NPC1L1: variants seen among roughly 807,000 people sequenced by gnomAD.
The protein encoded by NPC1L1 is NPC1 like intracellular cholesterol transporter 1, also known as NPC1-like intracellular cholesterol transporter 1.
A neutral mutation model predicts 117.0 loss-of-function variants in NPC1L1; 98 were observed. The observed-to-expected ratio is 0.84, with a 90% CI of 0.71 to 0.99. The LOEUF is 0.99. Among genes scored for constraint, NPC1L1 ranks in the 50% least tolerant of loss-of-function variants. The pLI is 0.00. For synonymous variants in NPC1L1, 729 were observed against 727.6 expected, an observed-to-expected ratio of 1.00 and a Z score of -0.03; for missense variants, 1,540 against 1,710.0, an observed-to-expected ratio of 0.90 and a Z score of 1.75.
At chr7:44,516,227 A>G in intron 16 of NPC1L1, 30 bp from the exon 17 acceptor site, 2 of 1,565,502 alleles carry the variant, frequency 1.3e-6, no homozygotes, top group Non-Finnish European at 1.7e-6. Flanking sequence ...ATAAGCCAAG[A>G]AAGGCAGAGG....
chr7:44,525,939 G>C (rs1801502216), intron 10 of NPC1L1, among the ~76,000 whole-genome samples: 1 of 150,698 alleles, frequency 6.6e-6, no homozygotes, highest in Non-Finnish European at 1.5e-5. Context: ...GCTGAGGCAG[G>C]TGGATCACCT....
In NPC1L1 at chr7:44,516,723, A is replaced by G. The variant is rs1242166013; in HGVS notation, c.3499T>C (p.Ser1167Pro). The G allele has an allele frequency of 6.2e-7, 1 of 1,611,528 alleles. No homozygotes were observed. Among genetic ancestry groups the G allele is most frequent in the Admixed American group, 1.7e-5 (1 of 59,576 alleles). ...GTTACCGAGACCAGGTTGATGAGGG[A>G]CACAGCATTGTAACTGATGCCCCAC... ...ALWGISYNAV[S>P]LINLVSAVGM... The change falls in exon 16 of 19, where the codon TCC becomes CCC. Residue 1167 changes from serine to proline, a missense_variant. Transcript: ENST00000381160.
Position 44,535,969 on chromosome 7 carries a change from C to T in NPC1L1, c.1855-1G>A. On this transcript the variant is annotated splice_acceptor_variant, in intron 4 of 18. Coordinates refer to ENST00000381160, the MANE Select transcript of NPC1L1 (RefSeq NM_001101648.2). LOFTEE classifies it high-confidence loss of function. ...GATTGATCTCGTCTTCCAGAGAGCG[C>T]TGTGGACACACACCCGACCAGCCCC... is the stretch of plus-strand genomic sequence containing the variant. The T allele has an allele frequency of 1.9e-6, 3 of 1,613,016 alleles. No individual in the cohort carries two copies. The highest frequency in any genetic ancestry group is 2.5e-6 in the Non-Finnish European group (3 of 1,180,028).
intron 10 of NPC1L1, among the ~76,000 whole-genome samples, chr7:44,530,187 A>T (rs1232805373): frequency 1.3e-5 from 2 of 151,946 alleles, no homozygotes; most frequent in Non-Finnish European, 2.9e-5. Flanking sequence ...AAAATACAAA[A>T]ATTAGCTGGG....
At chr7:44,532,522 G>GC (rs1801738945) in intron 8 of NPC1L1, among the ~76,000 whole-genome samples, 2 of 151,970 alleles carry the variant, frequency 1.3e-5, no homozygotes, top group South Asian at 4.2e-4. Context: ...CACCTCTGCC[G>GC]CCCCTGAAAC....
chr7:44,521,987 C>A (rs1801373787), intron 11 of NPC1L1, 65 bp downstream of exon 11: 3 of 1,593,184 alleles, frequency 1.9e-6, no homozygotes, highest in Non-Finnish European at 1.7e-6. Flanking sequence ...GAAGAGGGGA[C>A]TGGAGAGGAC....
intron 10 of NPC1L1, 99 bp from the exon 11 acceptor site, chr7:44,522,341 G>A: frequency 1.7e-6 from 2 of 1,149,444 alleles, no homozygotes; most frequent in Non-Finnish European, 1.3e-6. Flanking sequence ...AGAGGTACAT[G>A]CTAAAAGGCA....
chr7:44,525,062 T>C (rs1211278302), intron 10 of NPC1L1, among the ~76,000 whole-genome samples: 1 of 152,092 alleles, frequency 6.6e-6, no homozygotes, highest in African/African-American at 2.4e-5. Flanking sequence ...CTAAGGGACC[T>C]GTCAGACATC....
At position 44,516,824 on chromosome 7, in the gene NPC1L1, A is replaced by C. The variant is rs760440118; in HGVS notation, c.3398T>G (p.Leu1133Arg). The change falls in exon 16 of 19, where the codon CTG (leucine) becomes CGG (arginine). Residue 1133 changes from leucine (L) to arginine (R), a missense_variant. Leu to Arg is a moderately radical substitution (Grantham distance 102). Coordinates refer to ENST00000381160, the MANE Select transcript of NPC1L1 (RefSeq NM_001101648.2). ...TFAVSCLLLG[L>R]DLRSGLLNLL... The stretch of plus-strand genomic sequence containing the variant: ...GTTGAGGAGGCCGGAGCGCAGGTCC[A>C]GGCCCAGCAGGAGGCAGGAGACAGC... 3 of 1,614,192 alleles carry C rather than the reference A, an allele frequency of 1.9e-6. No individual in the cohort carries two copies. Among genetic ancestry groups the C allele is most frequent in the Non-Finnish European group, 2.5e-6 (3 of 1,180,020 alleles).
Position 44,522,091 on chromosome 7 carries a change from AAGG to A in NPC1L1, c.2786_2788del (p.Ser929del), listed in dbSNP as rs773778348. On this transcript the variant is annotated inframe_deletion, in exon 11 of 19. Transcript: ENST00000381160. ...TGTGGCATACTGGATCTTCTGGGTG[AAGG>A]AGAAGTTGTTGCAGCCTGCACTGGA... 2.5e-6 allele frequency: 4 copies of A among 1,613,952 alleles called. No homozygotes were observed. Among genetic ancestry groups the A allele is most frequent in the African/African-American group, 1.3e-5 (1 of 74,990 alleles).
chr7:44,534,700 G>T lies in NPC1L1; in HGVS notation c.1984-71C>A. ...CAGTATGCCCACCAGCCTCAGCTAG[G>T]CCAGACAAAGTAGCCGGCAGGCACC... On this transcript the variant is annotated intron_variant, in intron 5 of 18. Transcript: ENST00000381160. This position sits in a 1 kb window ranked among gnomAD's most constrained non-coding sequence, Gnocchi z 5.2. 6.4e-7 allele frequency: 1 copy of T among 1,559,220 alleles called. No individual in the cohort carries two copies. Among genetic ancestry groups the T allele is most frequent in the Non-Finnish European group, 8.8e-7 (1 of 1,137,916 alleles).
chr7:44,512,988 C>T lies in NPC1L1; in HGVS notation c.*459G>A. On this transcript the variant is annotated 3_prime_UTR_variant, in exon 19 of 19. Coordinates refer to ENST00000381160, the MANE Select transcript of NPC1L1 (RefSeq NM_001101648.2). ...TCTTGGCCTGAGCCTTTGCCTCTCT[C>T]TGGCCTCCTGTGATATCACACCCAG... 1 of 225,646 alleles carries T rather than the reference C, an allele frequency of 4.4e-6. No individual in the cohort carries two copies. The highest frequency in any genetic ancestry group is 9.0e-6 in the Non-Finnish European group (1 of 111,502). The allele number at this position is 225,646 out of a possible 1,614,324, so 14.0% of individuals were successfully genotyped here.
rs1265969381 is a variant in NPC1L1, at chr7:44,538,163, C to A, written c.1580+654G>T. Among the ~76,000 whole-genome samples the A allele has an allele frequency of 6.6e-6, 1 of 152,246 alleles. No individual in the cohort carries two copies. Among genetic ancestry groups the A allele is most frequent in the African/African-American group, 2.4e-5 (1 of 41,466 alleles). On this transcript the variant is annotated intron_variant, in intron 2 of 18. Coordinates refer to ENST00000381160, the MANE Select transcript of NPC1L1 (RefSeq NM_001101648.2). The surrounding 1 kb of genome is among the most constrained non-coding windows in gnomAD (Gnocchi z 5.9). ...CATCTTGAGGACCTCTGCTCTACTC[C>A]AACCTCAAGGAGCCTCCACTGCCAA...
At chr7:44,525,968 C>G (rs1038206921) in intron 10 of NPC1L1, among the ~76,000 whole-genome samples, 4 of 151,412 alleles carry the variant, frequency 2.6e-5, no homozygotes, top group Non-Finnish European at 5.9e-5. Context: ...GAGTTTGAGA[C>G]CAGCCTGGCC....
At chr7:44,537,799 G>C (rs1390910707) in intron 2 of NPC1L1, among the ~76,000 whole-genome samples, 2 of 152,164 alleles carry the variant, frequency 1.3e-5, no homozygotes, top group African/African-American at 4.8e-5. Flanking sequence ...CGTCAGACAT[G>C]AGTCTGAGGT....
chr7:44,512,896 GT>G lies in NPC1L1; in HGVS notation c.*550del, dbSNP rs1554499160. On this transcript the variant is annotated 3_prime_UTR_variant, in exon 19 of 19. Transcript: ENST00000381160. ...GGCCCTTCTCTTGCCAGAAAAGGCC[GT>G]GGATGGCAGACCTGCAGGTGCGCCC... The G allele has an allele frequency of 1.7e-5, 3 of 181,478 alleles. No homozygotes were observed. Among genetic ancestry groups the G allele is most frequent in the Non-Finnish European group, 2.4e-5 (2 of 84,418 alleles). The allele number at this position is 181,478 out of a possible 1,614,324, so 11.2% of individuals were successfully genotyped here.
Position 44,535,993 on chromosome 7 carries a change from C to T in NPC1L1, c.1855-25G>A, listed in dbSNP as rs1336921103. 6 of 1,612,498 alleles carry T rather than the reference C, an allele frequency of 3.7e-6. No homozygotes were observed. The South Asian group carries it at 4.4e-5, about 12-fold the overall frequency. On this transcript the variant is annotated intron_variant, in intron 4 of 18. Coordinates refer to ENST00000381160, the MANE Select transcript of NPC1L1 (RefSeq NM_001101648.2). ...GCTGTGGACACACACCCGACCAGCC[C>T]CCACTGACCGTGCCTGCTTCAGCCA...
In NPC1L1 at chr7:44,538,739, G is replaced by A. The variant is rs892092358; in HGVS notation, c.1580+78C>T. The A allele has an allele frequency of 1.4e-5, 20 of 1,446,512 alleles. No homozygotes were observed. Among genetic ancestry groups the A allele is most frequent in the African/African-American group, 7.0e-5 (5 of 71,754 alleles). The allele number at this position is 1,446,512 out of a possible 1,614,324, so 89.6% of individuals were successfully genotyped here. On this transcript the variant is annotated intron_variant, in intron 2 of 18. Coordinates refer to ENST00000381160, the MANE Select transcript of NPC1L1 (RefSeq NM_001101648.2). The surrounding 1 kb of genome is among the most constrained non-coding windows in gnomAD (Gnocchi z 5.9). ...GTCCTTCAGGACCAGCTGTATGCCCGGCCAGGTTCCCAGGAGGCCATGGCA... is the reference window on the plus strand; with the variant it reads ...GTCCTTCAGGACCAGCTGTATGCCCAGCCAGGTTCCCAGGAGGCCATGGCA...
At chr7:44,533,334 T>C (rs1216358832) in intron 8 of NPC1L1, 97 bp downstream of exon 8, 4 of 1,484,232 alleles carry the variant, frequency 2.7e-6, no homozygotes, top group Non-Finnish European at 3.7e-6. Context: ...CCCACCCCAT[T>C]CTCTGGGCCA....
Sources: gnomAD v4.1 joint callset for allele counts (sites outside exome capture counted in the v4.1 genomes callset) on GRCh38, gnomAD v4.1.1 for gene constraint, Gnocchi (gnomAD v3.1) non-coding constraint, MANE v1.5 for transcripts, NCBI Gene and HGNC (gene_info 2026-07-23, HGNC 2026-07-21) for gene names.